The following SLC8A2 variants were observed in gnomAD, a reference collection of about 807,000 sequenced individuals.
The protein encoded by SLC8A2 is solute carrier family 8 member A2.
A neutral mutation model predicts 70.2 loss-of-function variants in SLC8A2; 14 were observed. That is an observed-to-expected ratio of 0.20 (90% CI 0.13 to 0.31). The LOEUF (loss-of-function observed/expected upper bound fraction) is 0.31, where lower values mean the gene tolerates loss of function less well. SLC8A2 is among the 10% of genes least tolerant of loss of function. The pLI is 1.00. For missense variants in SLC8A2, 779 were observed against 1,320.1 expected, an observed-to-expected ratio of 0.59 and a Z score of 6.35; for synonymous variants, 575 against 594.3, an observed-to-expected ratio of 0.97 and a Z score of 0.47.
At chr19:47,454,833 C>T (rs953455062) in intron 3 of SLC8A2, among the ~76,000 whole-genome samples, 1 of 152,198 alleles carries the variant, frequency 6.6e-6, no homozygotes, top group Non-Finnish European at 1.5e-5. Context: ...CGCCTGTAGT[C>T]CCAGCACTTT....
intron 3 of SLC8A2, among the ~76,000 whole-genome samples, chr19:47,451,162 C>A (rs1235890855): frequency 6.6e-6 from 1 of 151,930 alleles, no homozygotes; most frequent in East Asian, 1.9e-4. Flanking sequence ...ATGTGTGCCA[C>A]CATGCCTGGC....
At position 47,441,212 on chromosome 19, in the gene SLC8A2, C is replaced by T. The variant is rs767240498; in HGVS notation, c.1868-26G>A. The T allele has an allele frequency of 4.3e-6, 7 of 1,613,334 alleles. No homozygotes were observed. In the African/African-American group the frequency reaches 9.4e-5, roughly 22 times the overall value. On this transcript the variant is annotated intron_variant, in intron 5 of 9. Coordinates refer to ENST00000236877, the MANE Select transcript of SLC8A2 (RefSeq NM_015063.3). ...CTGGGGAGAGACAGAGACAGGCAGA[C>T]AGTGAGATCAGTTCCCCACGAAGCT...
chr19:47,447,557 A>G lies in SLC8A2; in HGVS notation c.1763+252T>C, dbSNP rs908994452. Reference sequence around the variant, plus strand: ...CCTCCCGAGGCCAAGCCCACTTTGGAGAACGATTCACTCAGGCCCCTCTCC... The same window carrying G: ...CCTCCCGAGGCCAAGCCCACTTTGGGGAACGATTCACTCAGGCCCCTCTCC... On this transcript the variant is annotated intron_variant, in intron 4 of 9. Transcript: ENST00000236877. This position sits in a 1 kb window ranked among gnomAD's most constrained non-coding sequence, Gnocchi z 5.1. The G allele has an allele frequency of 2.2e-6, 1 of 453,848 alleles. No homozygotes were observed. Among genetic ancestry groups the G allele is most frequent in the Non-Finnish European group, 3.9e-6 (1 of 257,212 alleles). The allele number at this position is 453,848 out of a possible 1,614,324, so 28.1% of individuals were successfully genotyped here.
In SLC8A2 at chr19:47,437,628, C is replaced by T. The variant is rs1967046945; in HGVS notation, c.2011-67G>A. The T allele has an allele frequency of 2.9e-6, 4 of 1,357,776 alleles. No individual in the cohort carries two copies. In the South Asian group the frequency reaches 3.5e-5, roughly 12 times the overall value. 84.1% of individuals were successfully genotyped at this position (1,357,776 alleles called of 1,614,324 possible). On this transcript the variant is annotated intron_variant, in intron 7 of 9. Coordinates refer to ENST00000236877, the MANE Select transcript of SLC8A2 (RefSeq NM_015063.3). The stretch of plus-strand genomic sequence containing the variant: ...GAACCAGGGAAGCTCCATGTTGGGT[C>T]CTGGGTCGGGGGCTCACAGCCTGTG...
intron 4 of SLC8A2, among the ~76,000 whole-genome samples, chr19:47,445,499 GTCTA>G (rs1406630719): frequency 1.1e-4 from 17 of 152,104 alleles, no homozygotes; most frequent in Non-Finnish European, 1.8e-4. Context: ...CTCTCCCTGT[GTCTA>G]TCTCTGTGTC....
chr19:47,440,520 G>A (rs559189311), intron 6 of SLC8A2, among the ~76,000 whole-genome samples: 11 of 152,254 alleles, frequency 7.2e-5, no homozygotes, highest in African/African-American at 1.7e-4. Context: ...TCTGCCTCCC[G>A]GGTTCAAGCG....
chr19:47,467,105 C>T (rs892756833), intron 1 of SLC8A2, among the ~76,000 whole-genome samples: 1 of 152,150 alleles, frequency 6.6e-6, no homozygotes, highest in African/African-American at 2.4e-5. Flanking sequence ...TAGCGCCAAT[C>T]TTCAAACAAC....
chr19:47,430,728 T>A lies in SLC8A2; in HGVS notation c.2390-263A>T, dbSNP rs748082773. Reference sequence around the variant, plus strand: ...TCTTCTATGGGACTCACTGCGTGATTTCTTTTTTTTTCCTCCGAGACGGAG... The same window carrying A: ...TCTTCTATGGGACTCACTGCGTGATATCTTTTTTTTTCCTCCGAGACGGAG... On this transcript the variant is annotated intron_variant, in intron 9 of 9. Coordinates refer to ENST00000236877, the MANE Select transcript of SLC8A2 (RefSeq NM_015063.3). This position sits in a 1 kb window ranked among gnomAD's most constrained non-coding sequence, Gnocchi z 5.9. 2.0e-5 allele frequency among the ~76,000 whole-genome samples: 3 copies of A among 152,208 alleles called. No homozygotes were observed. Among genetic ancestry groups the A allele is most frequent in the African/African-American group, 7.2e-5 (3 of 41,460 alleles).
chr19:47,434,545 C>T (rs889201419), intron 8 of SLC8A2, among the ~76,000 whole-genome samples: 12 of 152,298 alleles, frequency 7.9e-5, no homozygotes, highest in Admixed American at 3.9e-4. Flanking sequence ...GTGCTGTCAA[C>T]GGTCTCGGAC....
At position 47,457,751 on chromosome 19, in the gene SLC8A2, TTTC is replaced by T. The variant is rs1370355823; in HGVS notation, c.676-160_676-158del. ...TCCCTATCCCTTTCTGTTTCTTTTC[TTTC>T]TTTCTTTCTTTCCTTTCTTTCTTTT... On this transcript the variant is annotated intron_variant, in intron 2 of 9. Coordinates refer to ENST00000236877, the MANE Select transcript of SLC8A2 (RefSeq NM_015063.3). 2.3e-3 allele frequency among the ~76,000 whole-genome samples: 350 copies of T among 150,738 alleles called. 7 individuals are homozygous for T. The South Asian group carries it at 0.045, about 19-fold the overall frequency.
intron 3 of SLC8A2, among the ~76,000 whole-genome samples, chr19:47,451,119 C>G (rs1268033990): frequency 6.9e-6 from 1 of 145,520 alleles, no homozygotes; most frequent in Non-Finnish European, 1.5e-5. Flanking sequence ...GGCGATTCTT[C>G]TGCCTCAGCC....
intron 8 of SLC8A2, among the ~76,000 whole-genome samples, chr19:47,433,510 C>T (rs552163087): frequency 1.3e-5 from 2 of 152,332 alleles, no homozygotes; most frequent in South Asian, 4.1e-4. Flanking sequence ...GAGATATAAA[C>T]AGAGGGTTTC....
Position 47,430,881 on chromosome 19 carries a change from C to G in SLC8A2, c.2390-416G>C, listed in dbSNP as rs114814009. 6.6e-3 allele frequency among the ~76,000 whole-genome samples: 1,008 copies of G among 152,120 alleles called. 7 individuals carry two copies. Among genetic ancestry groups the G allele is most frequent in the African/African-American group, 0.023 (963 of 41,474 alleles). On this transcript the variant is annotated intron_variant, in intron 9 of 9. Coordinates refer to ENST00000236877, the MANE Select transcript of SLC8A2 (RefSeq NM_015063.3). The surrounding 1 kb of genome is among the most constrained non-coding windows in gnomAD (Gnocchi z 5.9). ...GCTGGGATTACAGGCGCCCACCACG[C>G]CCTGCTAAGATTTTGTGTTTTTAGT... is the stretch of plus-strand genomic sequence containing the variant.
chr19:47,457,461 A>G lies in SLC8A2; in HGVS notation c.809T>C (p.Ile270Thr), dbSNP rs776017952. 1 of 1,609,036 alleles carries G rather than the reference A, an allele frequency of 6.2e-7. No homozygotes were observed. Among genetic ancestry groups the G allele is most frequent in the Non-Finnish European group, 8.5e-7 (1 of 1,178,466 alleles). ...YRTDPRSGII[I>T]GAEGDPPKSI... is the part of the protein sequence containing the mutation. ...CTTCGGGGGGTCGCCCTCGGCGCCT[A>G]TGATGATGCCGCTGCGTGGGTCGGT... Residue 270 changes from isoleucine to threonine, a missense_variant, in exon 3 of 10, where the codon ATA becomes ACA. Ile to Thr is a moderately conservative substitution (Grantham distance 89, BLOSUM62 -1). Transcript: ENST00000236877.
rs950610467 is a variant in SLC8A2 at position 47,447,819 on chromosome 19, C to A, written c.1753G>T (p.Asp585Tyr). ...CTCGGGCGTGCTCACATGGTCTCGT[C>A]GTCGCCAAACTCCAGCTCTCCGCAC... Reference protein sequence around the residue: ...DACGELEFGDDETMKTLQVKI... With the variant: ...DACGELEFGDYETMKTLQVKI... Residue 585 changes from aspartate to tyrosine, a missense_variant, in exon 4 of 10, where the codon GAC becomes TAC. Physicochemically the swap from Asp to Tyr is radical, Grantham distance 160. Transcript: ENST00000236877. The surrounding 1 kb of genome is among the most constrained non-coding windows in gnomAD (Gnocchi z 5.1). 2 of 1,589,870 alleles carry A rather than the reference C, an allele frequency of 1.3e-6. No homozygotes were observed.
Position 47,471,124 on chromosome 19 carries a change from G to GGGGA in SLC8A2, c.-17+661_-17+664dup, listed in dbSNP as rs902402506. Among the ~76,000 whole-genome samples, 14 of 151,198 alleles carry GGGGA rather than the reference G, an allele frequency of 9.3e-5. 1 individual carries two copies. The highest frequency in any genetic ancestry group is 4.2e-4 in the South Asian group (2 of 4,740). Reference sequence around the variant, plus strand: ...ACAGAGATGGAGACGAGGGGGAGATGGGGAGGGAGGGAGAGAGAGAGAGAG... The same window carrying GGGGA: ...ACAGAGATGGAGACGAGGGGGAGATGGGGAGGGAGGGAGGGAGAGAGAGAGAGAG... On this transcript the variant is annotated intron_variant, in intron 1 of 9. Coordinates refer to ENST00000236877, the MANE Select transcript of SLC8A2 (RefSeq NM_015063.3).
intron 3 of SLC8A2, among the ~76,000 whole-genome samples, chr19:47,452,783 G>A (rs1394094553): frequency 3.9e-5 from 6 of 152,000 alleles, no homozygotes; most frequent in African/African-American, 1.2e-4. Flanking sequence ...CTGTAATCCC[G>A]GCACTTTGGG....
intron 4 of SLC8A2, among the ~76,000 whole-genome samples, chr19:47,443,347 C>A (rs761968002): frequency 9.2e-5 from 14 of 151,980 alleles, no homozygotes; most frequent in Non-Finnish European, 1.8e-4. Flanking sequence ...ACATAATCCA[C>A]ACCCCTCGAC....
At position 47,468,155 on chromosome 19, in the gene SLC8A2, T is replaced by C. The variant is rs1967487924; in HGVS notation, c.-16-1736A>G. Among the ~76,000 whole-genome samples, 2 of 150,318 alleles carry C rather than the reference T, an allele frequency of 1.3e-5. No individual in the cohort carries two copies. The highest frequency in any genetic ancestry group is 3.0e-5 in the Non-Finnish European group (2 of 67,632). On this transcript the variant is annotated intron_variant, in intron 1 of 9. Transcript: ENST00000236877. This position sits in a 1 kb window ranked among gnomAD's most constrained non-coding sequence, Gnocchi z 5.1. ...CCTGCCCAACCTGGCCCCGACTCCC[T>C]CTCTGGCCTCTTTTCCCACCCTCTC...
Sources: gnomAD v4.1 joint callset for allele counts (sites outside exome capture counted in the v4.1 genomes callset) on GRCh38, gnomAD v4.1.1 for gene constraint, Gnocchi (gnomAD v3.1) non-coding constraint, MANE v1.5 for transcripts, NCBI Gene and HGNC (gene_info 2026-07-23, HGNC 2026-07-21) for gene names.